The following OPHN1 variants were observed in gnomAD, a reference collection of about 807,000 sequenced individuals.
The protein encoded by OPHN1 is oligophrenin-1.
OPHN1 carries 11 observed loss-of-function variants against 60.7 expected under a neutral mutation model. That is an observed-to-expected ratio of 0.18 (90% CI 0.11 to 0.30). OPHN1 has a LOEUF of 0.30. Ranked by LOEUF, OPHN1 falls within the 10% of genes least tolerant of loss-of-function variation. The probability of loss-of-function intolerance (pLI) is 1.00; values close to 1 mark genes in which losing one functional copy is unlikely to be tolerated. For missense variants in OPHN1, 449 were observed against 611.0 expected (o/e 0.73, Z 2.80); for synonymous variants, 226 against 222.6 (o/e 1.02, Z -0.14).
chrX:68,105,903 A>G (rs897398490), intron 18 of OPHN1, among the ~76,000 whole-genome samples: 2 of 110,975 alleles, frequency 1.8e-5, no homozygotes, highest in East Asian at 5.7e-4. Flanking sequence ...TTGGACAAAC[A>G]CCTATAAAAG....
chrX:68,283,199 T>C, intron 3 of OPHN1, 82 bp from the exon 4 acceptor site: 3 of 797,022 alleles, frequency 3.8e-6, no homozygotes, highest in Middle Eastern at 2.8e-4. Context: ...CAACAGGAAG[T>C]AGGGACCAGT....
At chrX:68,398,583 A>G (rs1231532672) in intron 2 of OPHN1, among the ~76,000 whole-genome samples, 1 of 111,401 alleles carries the variant, frequency 9.0e-6, no homozygotes, top group Non-Finnish European at 1.9e-5. Flanking sequence ...TTTACACAAT[A>G]TCAGACAGCT....
At chrX:68,146,284 C>T (rs1319312830) in intron 15 of OPHN1, among the ~76,000 whole-genome samples, 3 of 111,810 alleles carry the variant, frequency 2.7e-5, no homozygotes, top group Non-Finnish European at 5.6e-5. Flanking sequence ...CAGATCACTA[C>T]AGTCCTTAAC....
In OPHN1 at chrX:68,042,531, T is replaced by C. The variant is rs1336953906; in HGVS notation, c.*4641A>G. 2 of 111,156 alleles carry C rather than the reference T, an allele frequency of 1.8e-5. No individual in the cohort carries two copies. Among genetic ancestry groups the C allele is most frequent in the African/African-American group, 3.3e-5 (1 of 30,530 alleles). 9.2% of individuals were successfully genotyped at this position (111,156 alleles called of 1,213,427 possible). On this transcript the variant is annotated 3_prime_UTR_variant, in exon 25 of 25. Coordinates refer to ENST00000355520, the MANE Select transcript of OPHN1 (RefSeq NM_002547.3). The stretch of plus-strand genomic sequence containing the variant: ...TGAAGGCTTTTCTTTATCGAAAACT[T>C]ATCTTTAAGGTATCTTGTCCTTCGC...
In OPHN1 at chrX:68,416,063, TATATAGAG is replaced by T. The variant is rs1467443520; in HGVS notation, c.154+16796_154+16803del. ...ATATATATATATATATATATATATA[TATATAGAG>T]AGAGAGAGAGAGAGAGAGAGAGAGA... On this transcript the variant is annotated intron_variant, in intron 2 of 24. Transcript: ENST00000355520. 2.5e-3 allele frequency among the ~76,000 whole-genome samples: 16 copies of T among 6,308 alleles called. No homozygotes were observed. In the East Asian group the frequency reaches 0.031, roughly 12 times the overall value. 5.5% of individuals were successfully genotyped at this position (6,308 alleles called of 115,157 possible). A position where few individuals can be genotyped will look rare whatever the true frequency, so the allele number is the denominator to read the frequency against.
intron 2 of OPHN1, among the ~76,000 whole-genome samples, chrX:68,429,401 G>A (rs1004150786): frequency 1.8e-5 from 2 of 110,874 alleles, no homozygotes; most frequent in African/African-American, 3.3e-5. Flanking sequence ...ACTCCAGCTC[G>A]GGCAACAGAG....
chrX:68,105,772 G>A (rs1202532158), intron 18 of OPHN1, among the ~76,000 whole-genome samples: 1 of 109,443 alleles, frequency 9.1e-6, no homozygotes, highest in African/African-American at 3.3e-5. Flanking sequence ...AAACCTGCAC[G>A]TTCTGCACAT....
intron 2 of OPHN1, among the ~76,000 whole-genome samples, chrX:68,375,147 AC>A (rs974125049): frequency 8.9e-6 from 1 of 112,177 alleles, no homozygotes; most frequent in Non-Finnish European, 1.9e-5. Flanking sequence ...GTGTTCACAC[AC>A]AAAAAAAAAC....
chrX:68,255,062 T>C lies in OPHN1; in HGVS notation c.384+19676A>G, dbSNP rs772407096. ...AGAGCTCCCCCACTTCCTTTCTGCTTGGGATGCTAACATGTGAGTATGTAA... is the reference window on the plus strand; with the variant it reads ...AGAGCTCCCCCACTTCCTTTCTGCTCGGGATGCTAACATGTGAGTATGTAA... On this transcript the variant is annotated intron_variant, in intron 5 of 24. Coordinates refer to ENST00000355520, the MANE Select transcript of OPHN1 (RefSeq NM_002547.3). 2.0e-4 allele frequency among the ~76,000 whole-genome samples: 21 copies of C among 105,155 alleles called. No individual in the cohort carries two copies. The South Asian group carries it at 2.3e-3, about 11-fold the overall frequency. 91.3% of individuals were successfully genotyped at this position (105,155 alleles called of 115,157 possible). A position where few individuals can be genotyped will look rare whatever the true frequency, so the allele number is the denominator to read the frequency against.
At chrX:68,052,928 T>C (rs749369750) in intron 22 of OPHN1, among the ~76,000 whole-genome samples, 30 of 112,697 alleles carry the variant, frequency 2.7e-4, no homozygotes, top group African/African-American at 9.7e-4. Context: ...GTCAAAGCTG[T>C]GGAGGCTTTG....
At chrX:68,125,956 T>TATATATATATATATATAC (rs2077169399) in intron 15 of OPHN1, among the ~76,000 whole-genome samples, 2 of 76,359 alleles carry the variant, frequency 2.6e-5, no homozygotes, top group African/African-American at 1.0e-4. Context: ...TATATATATA[T>TATATATATATATATATAC]ACATACACAC....
intron 15 of OPHN1, among the ~76,000 whole-genome samples, chrX:68,155,136 C>A (rs1216402050): frequency 1.8e-5 from 2 of 111,411 alleles, no homozygotes; most frequent in Non-Finnish European, 3.8e-5. Flanking sequence ...AAGGAAGAAT[C>A]AGAATGAATT....
At chrX:68,174,348 CCTT>C (rs2077404434) in intron 15 of OPHN1, among the ~76,000 whole-genome samples, 5 of 110,783 alleles carry the variant, frequency 4.5e-5, no homozygotes, top group Admixed American at 2.9e-4. Flanking sequence ...TACAGTCAGC[CCTT>C]CTTGATAGTA....
rs750284703 is a variant in OPHN1 at position 68,161,596 on chromosome X, T to C, written c.1276+31323A>G. Among the ~76,000 whole-genome samples, 4 of 111,161 alleles carry C rather than the reference T, an allele frequency of 3.6e-5. No homozygotes were observed. The East Asian group carries it at 1.1e-3, about 31-fold the overall frequency. On this transcript the variant is annotated intron_variant, in intron 15 of 24. Coordinates refer to ENST00000355520, the MANE Select transcript of OPHN1 (RefSeq NM_002547.3). ...AGAAAATAAAAAAATGATAAAGATT[T>C]AGTACAAAGGAACAATCTTTACACT...
intron 9 of OPHN1, among the ~76,000 whole-genome samples, chrX:68,207,868 C>A (rs2147475959): frequency 9.0e-6 from 1 of 111,114 alleles, no homozygotes; most frequent in East Asian, 2.9e-4. Context: ...TACATCAGGA[C>A]AACAGGGGTA....
At chrX:68,419,174 A>AT (rs1328882355) in intron 2 of OPHN1, among the ~76,000 whole-genome samples, 13 of 105,823 alleles carry the variant, frequency 1.2e-4, no homozygotes, top group South Asian at 4.2e-4. Flanking sequence ...TGCCCAGCTA[A>AT]TTTTTTTTTT....
rs775583010 is a variant in OPHN1 at position 68,180,302 on chromosome X, G to A, written c.1276+12617C>T. Reference sequence around the variant, plus strand: ...GTATTCCTGGTGAGTAGGATTTGGGGTGAATTTTCACTACGCTTTCTGAAC... The same window carrying A: ...GTATTCCTGGTGAGTAGGATTTGGGATGAATTTTCACTACGCTTTCTGAAC... On this transcript the variant is annotated intron_variant, in intron 15 of 24. Transcript: ENST00000355520. 1.1e-4 allele frequency among the ~76,000 whole-genome samples: 12 copies of A among 111,717 alleles called. No homozygotes were observed. The South Asian group carries it at 1.9e-3, about 17-fold the overall frequency.
intron 15 of OPHN1, among the ~76,000 whole-genome samples, chrX:68,135,646 T>C (rs1235479954): frequency 1.8e-5 from 2 of 112,269 alleles, no homozygotes; most frequent in Admixed American, 9.4e-5. Context: ...TTCAATAACA[T>C]GGAACAAAAA....
chrX:68,377,339 G>A (rs1372596989), intron 2 of OPHN1, among the ~76,000 whole-genome samples: 1 of 108,774 alleles, frequency 9.2e-6, no homozygotes, highest in Admixed American at 1.0e-4. Flanking sequence ...CTCGTGATCC[G>A]CCCACCTCAG....
Sources: gnomAD v4.1 joint callset for allele counts (sites outside exome capture counted in the v4.1 genomes callset) on GRCh38, gnomAD v4.1.1 for gene constraint, MANE v1.5 for transcripts, NCBI Gene and HGNC (gene_info 2026-07-23, HGNC 2026-07-21) for gene names.